Variants in CASP14 observed in about 807,000 individuals in gnomAD.
CASP14 encodes the protein caspase 14, also known as caspase-14.
CASP14 carries 27 observed loss-of-function variants against 28.4 expected under a neutral mutation model. That is an observed-to-expected ratio of 0.95 (90% CI 0.70 to 1.31). The LOEUF is 1.31. Among genes scored for constraint, CASP14 ranks in the 50% most tolerant of loss-of-function variants. The pLI, the probability that CASP14 is intolerant of heterozygous loss-of-function variation, is 0.00. For missense variants in CASP14, 323 were observed against 312.8 expected, an observed-to-expected ratio of 1.03 and a Z score of -0.25; for synonymous variants, 115 against 118.6, an observed-to-expected ratio of 0.97 and a Z score of 0.20.
intron 1 of CASP14, among the ~76,000 whole-genome samples, chr19:15,050,309 A>T (rs35785415): frequency 0.045 from 3,030 of 67,442 alleles, 40 homozygotes; most frequent in Middle Eastern, 0.09. Flanking sequence ...TGTGTGTGTG[A>T]GTGTGTGTGT....
chr19:15,056,749 C>G lies in CASP14; in HGVS notation c.*660C>G, dbSNP rs1170975111. 6.6e-6 allele frequency: 1 copy of G among 152,344 alleles called. No individual in the cohort carries two copies. The highest frequency in any genetic ancestry group is 2.4e-5 in the African/African-American group (1 of 41,446). 9.4% of individuals were successfully genotyped at this position (152,344 alleles called of 1,614,324 possible). Reference sequence around the variant, plus strand: ...CTCCCCTGAAACCCTGGACTCTGCCCTCTCTCCAAGAAAATCCATCTATTC... The same window carrying G: ...CTCCCCTGAAACCCTGGACTCTGCCGTCTCTCCAAGAAAATCCATCTATTC... On this transcript the variant is annotated 3_prime_UTR_variant, in exon 7 of 7. Coordinates refer to ENST00000427043, the MANE Select transcript of CASP14 (RefSeq NM_012114.3).
intron 2 of CASP14, 50 bp downstream of exon 2, chr19:15,052,328 G>A (rs2046094976): frequency 4.6e-6 from 7 of 1,509,352 alleles, no homozygotes; most frequent in Non-Finnish European, 6.2e-6. Flanking sequence ...GGAGAAGGAA[G>A]GTGAGGATTT....
At chr19:15,054,068 T>C in intron 4 of CASP14, 110 bp downstream of exon 4, 1 of 870,658 alleles carries the variant, frequency 1.1e-6, no homozygotes, top group Non-Finnish European at 1.8e-6. Flanking sequence ...CACTGCAATC[T>C]CCATCTCCCA....
At position 15,051,267 on chromosome 19, in the gene CASP14, G is replaced by A. The variant is rs150564849; in HGVS notation, c.-46-939G>A. Among the ~76,000 whole-genome samples, 547 of 151,658 alleles carry A rather than the reference G, an allele frequency of 3.6e-3. 1 individual carries two copies. Among genetic ancestry groups the A allele is most frequent in the African/African-American group, 0.013 (531 of 41,374 alleles). ...TAATCCCAGCACTTTGGGAGGCTGAGGTGGGCAGATCATGAGGTCAGGAGA... is the reference window on the plus strand; with the variant it reads ...TAATCCCAGCACTTTGGGAGGCTGAAGTGGGCAGATCATGAGGTCAGGAGA... On this transcript the variant is annotated intron_variant, in intron 1 of 6. Transcript: ENST00000427043.
At position 15,055,981 on chromosome 19, in the gene CASP14, G is replaced by A; in HGVS notation, c.625-4G>A. The A allele has an allele frequency of 3.7e-6, 6 of 1,601,412 alleles. No homozygotes were observed. Among genetic ancestry groups the A allele is most frequent in the Non-Finnish European group, 5.1e-6 (6 of 1,173,228 alleles). On this transcript the variant is annotated splice_region_variant and splice_polypyrimidine_tract_variant and intron_variant, in intron 6 of 6. Coordinates refer to ENST00000427043, the MANE Select transcript of CASP14 (RefSeq NM_012114.3). The stretch of plus-strand genomic sequence containing the variant: ...CTCCAAGCTCACCACACCTGTTGCT[G>A]CAGGTGACCCGGCGGATGGCAGAAG...
rs768754892 is a variant in CASP14, at chr19:15,056,016, T to C, written c.656T>C (p.Val219Ala). The change falls in exon 7 of 7, where the codon GTT becomes GCT. Residue 219 changes from valine (V) to alanine (A), a missense_variant. Physicochemically the swap from Val to Ala is moderately conservative, Grantham distance 64. Transcript: ENST00000427043. ...VTRRMAEAELVQEGKARKTNP... is the reference protein window; with the variant it reads ...VTRRMAEAELAQEGKARKTNP... ...CGGCGGATGGCAGAAGCAGAGCTGGTTCAAGAAGGAAAAGCAAGGAAAACG... is the reference window on the plus strand; with the variant it reads ...CGGCGGATGGCAGAAGCAGAGCTGGCTCAAGAAGGAAAAGCAAGGAAAACG... 2.2e-5 allele frequency: 35 copies of C among 1,608,672 alleles called. No homozygotes were observed. The East Asian group carries it at 7.4e-4, about 34-fold the overall frequency.
intron 6 of CASP14, 99 bp downstream of exon 6, chr19:15,055,632 C>A: frequency 1.3e-6 from 1 of 778,904 alleles, no homozygotes; most frequent in Non-Finnish European, 2.1e-6. Context: ...TTTCCCTCAG[C>A]TCCAAATCCA....
intron 2 of CASP14, among the ~76,000 whole-genome samples, chr19:15,053,073 A>G (rs1390063731): frequency 6.6e-6 from 1 of 152,134 alleles, no homozygotes; most frequent in East Asian, 1.9e-4. Flanking sequence ...AGCATCTTCT[A>G]TTATACCTGG....
Position 15,055,277 on chromosome 19 carries a change from A to G in CASP14, c.520+3A>G. 1.2e-6 allele frequency: 2 copies of G among 1,611,110 alleles called. No homozygotes were observed. On this transcript the variant is annotated splice_donor_region_variant and intron_variant, in intron 5 of 6. Coordinates refer to ENST00000427043, the MANE Select transcript of CASP14 (RefSeq NM_012114.3). ...GCACGTTTATTCCACGGTAGAGGGT[A>G]TGAGCTCCCAGCTGGCCCAGGGATC... is the stretch of plus-strand genomic sequence containing the variant.
In CASP14 at chr19:15,055,982, C is replaced by T. The variant is rs1376756516; in HGVS notation, c.625-3C>T. ...TCCAAGCTCACCACACCTGTTGCTGCAGGTGACCCGGCGGATGGCAGAAGC... is the reference window on the plus strand; with the variant it reads ...TCCAAGCTCACCACACCTGTTGCTGTAGGTGACCCGGCGGATGGCAGAAGC... On this transcript the variant is annotated splice_region_variant and splice_polypyrimidine_tract_variant and intron_variant, in intron 6 of 6. Transcript: ENST00000427043. The T allele has an allele frequency of 1.9e-6, 3 of 1,602,680 alleles. No individual in the cohort carries two copies. In the South Asian group the frequency reaches 3.4e-5, roughly 18 times the overall value.
intron 4 of CASP14, 123 bp downstream of exon 4, chr19:15,054,081 C>T (rs552874087): frequency 2.5e-6 from 2 of 784,444 alleles, no homozygotes; most frequent in East Asian, 2.7e-5. Context: ...ATCTCCCAGG[C>T]TCCAGCCGTC....
chr19:15,050,321 T>TGTGTGA (rs201170850), intron 1 of CASP14, among the ~76,000 whole-genome samples: 5 of 149,196 alleles, frequency 3.4e-5, no homozygotes, highest in East Asian at 2.0e-4. Context: ...TGTGTGTGTG[T>TGTGTGA]GAGAGAGAGA....
chr19:15,055,933 C>G (rs1016693505), intron 6 of CASP14, 52 bp from the exon 7 acceptor site: 26 of 1,433,618 alleles, frequency 1.8e-5, no homozygotes, highest in South Asian at 3.6e-5. Context: ...AACCCTCCCC[C>G]CATAAGTCCA....
At chr19:15,052,095 A>T in intron 1 of CASP14, 111 bp from the exon 2 acceptor site, 1 of 685,120 alleles carries the variant, frequency 1.5e-6, no homozygotes, top group Non-Finnish European at 2.5e-6. Context: ...CCAAATCCCC[A>T]CCACTTGAGT....
Position 15,056,093 on chromosome 19 carries a change from T to C in CASP14, c.*4T>C, listed in dbSNP as rs202048131. 690 of 1,581,864 alleles carry C rather than the reference T, an allele frequency of 4.4e-4. 3 individuals are homozygous for C. Among genetic ancestry groups the C allele is most frequent in the South Asian group, 1.7e-3 (146 of 87,148 alleles). The stretch of plus-strand genomic sequence containing the variant: ...GAAACGGCTGTATCTGCAGTAGAAG[T>C]AGAAAGACCAGGAGGAGCTTTCCTT... On this transcript the variant is annotated 3_prime_UTR_variant, in exon 7 of 7. Coordinates refer to ENST00000427043, the MANE Select transcript of CASP14 (RefSeq NM_012114.3).
chr19:15,050,559 TG>T (rs1360872849), intron 1 of CASP14, among the ~76,000 whole-genome samples: 3 of 149,482 alleles, frequency 2.0e-5, no homozygotes, highest in Admixed American at 6.6e-5. Context: ...GATGGATAGA[TG>T]GAAGATAGAG....
chr19:15,054,302 G>A (rs1490217140), intron 4 of CASP14, among the ~76,000 whole-genome samples: 1 of 152,200 alleles, frequency 6.6e-6, no homozygotes, highest in African/African-American at 2.4e-5. Flanking sequence ...CTGAAGCCAG[G>A]CACCATGGCT....
rs1301044718 is a variant in CASP14, at chr19:15,054,025, C to G, written c.403+67C>G. ...TTCTGTTTTGTTTTTTGAGACAGCA[C>G]CCAGGCTGGAATGCAGTGGCGGAAT... On this transcript the variant is annotated intron_variant, in intron 4 of 6. Transcript: ENST00000427043. 12 of 1,343,900 alleles carry G rather than the reference C, an allele frequency of 8.9e-6. No individual in the cohort carries two copies. In the South Asian group the frequency reaches 1.1e-4, roughly 12 times the overall value. 83.2% of individuals were successfully genotyped at this position (1,343,900 alleles called of 1,614,324 possible).
chr19:15,056,119 C>T lies in CASP14; in HGVS notation c.*30C>T, dbSNP rs766735171. 3.7e-5 allele frequency: 56 copies of T among 1,501,308 alleles called. No homozygotes were observed. The highest frequency in any genetic ancestry group is 1.3e-4 in the Admixed American group (7 of 52,164). 93.0% of individuals were successfully genotyped at this position (1,501,308 alleles called of 1,614,324 possible). ...AGAAAGACCAGGAGGAGCTTTCCTT[C>T]CAGCATTCTTTCTGTCTCACAGAAA... On this transcript the variant is annotated 3_prime_UTR_variant, in exon 7 of 7. Transcript: ENST00000427043.
Sources: gnomAD v4.1 joint callset for allele counts (sites outside exome capture counted in the v4.1 genomes callset) on GRCh38, gnomAD v4.1.1 for gene constraint, MANE v1.5 for transcripts, NCBI Gene and HGNC (gene_info 2026-07-23, HGNC 2026-07-21) for gene names.